Variants in RBM20 observed in about 807,000 individuals in gnomAD.
RBM20 encodes the protein RNA binding motif protein 20, also known as RNA-binding protein 20.
Under a neutral mutation model 110.1 loss-of-function variants are expected in RBM20, and 51 were observed. That is an observed-to-expected ratio of 0.46 (90% CI 0.37 to 0.59). The LOEUF is 0.59. Ranked by LOEUF, RBM20 falls within the 20% of genes least tolerant of loss-of-function variation. The pLI is 0.00. For synonymous variants in RBM20, 589 were observed against 618.2 expected, an observed-to-expected ratio of 0.95 and a Z score of 0.70; for missense variants, 1,512 against 1,574.9, an observed-to-expected ratio of 0.96 and a Z score of 0.68.
chr10:110,792,185 ATC>A (rs1564847555), intron 5 of RBM20, among the ~76,000 whole-genome samples: 46 of 151,352 alleles, frequency 3.0e-4, no homozygotes, highest in Admixed American at 1.4e-3. Context: ...CTATCTATCT[ATC>A]TATGTATCCA....
chr10:110,810,494 G>T, intron 8 of RBM20, 32 bp downstream of exon 8: 2 of 1,479,778 alleles, frequency 1.4e-6, no homozygotes, highest in Non-Finnish European at 1.8e-6. Context: ...CTCCAGGCAG[G>T]TTCTGGGCAG....
At chr10:110,713,996 G>A (rs1419429652) in intron 1 of RBM20, among the ~76,000 whole-genome samples, 1 of 152,172 alleles carries the variant, frequency 6.6e-6, no homozygotes, top group Non-Finnish European at 1.5e-5. Flanking sequence ...CATCACCCAG[G>A]AATGTTATTA....
intron 1 of RBM20, among the ~76,000 whole-genome samples, chr10:110,670,104 A>T (rs1049144707): frequency 2.6e-5 from 4 of 151,538 alleles, no homozygotes; most frequent in African/African-American, 7.3e-5. Flanking sequence ...TGATTTTTTT[A>T]GATGGTGATT....
chr10:110,825,125 C>A (rs1401543472), intron 12 of RBM20, among the ~76,000 whole-genome samples: 3 of 151,980 alleles, frequency 2.0e-5, no homozygotes, highest in African/African-American at 7.3e-5. Context: ...GAAATACTAA[C>A]TTTAGAATAA....
intron 1 of RBM20, among the ~76,000 whole-genome samples, chr10:110,647,021 G>A (rs1861878290): frequency 6.6e-6 from 1 of 152,154 alleles, no homozygotes; most frequent in South Asian, 2.1e-4. Flanking sequence ...AAATGATGGC[G>A]ACATCAATCT....
chr10:110,742,577 G>A (rs1051181510), intron 1 of RBM20, among the ~76,000 whole-genome samples: 6 of 152,096 alleles, frequency 3.9e-5, no homozygotes, highest in African/African-American at 1.4e-4. Context: ...GTTGAACCCA[G>A]GATTTTTTTC....
chr10:110,748,975 G>T (rs2134982002), intron 1 of RBM20, among the ~76,000 whole-genome samples: 1 of 152,284 alleles, frequency 6.6e-6, no homozygotes, highest in Non-Finnish European at 1.5e-5. Flanking sequence ...TGATATTTAG[G>T]CCTTACTCTC....
chr10:110,825,586 C>G (rs1216841583), intron 12 of RBM20, among the ~76,000 whole-genome samples: 5 of 152,186 alleles, frequency 3.3e-5, no homozygotes, highest in African/African-American at 1.2e-4. Flanking sequence ...TGCAAGTTCA[C>G]TTAGTAGCAG....
At chr10:110,763,223 G>T (rs1312213880) in intron 1 of RBM20, among the ~76,000 whole-genome samples, 1 of 152,080 alleles carries the variant, frequency 6.6e-6, no homozygotes, top group Non-Finnish European at 1.5e-5. Context: ...TTTTCAGTGC[G>T]ACTATAGAAA....
chr10:110,702,746 T>C (rs1207560615), intron 1 of RBM20, among the ~76,000 whole-genome samples: 1 of 152,212 alleles, frequency 6.6e-6, no homozygotes, highest in South Asian at 2.1e-4. Context: ...AGACTGCTTA[T>C]GTTGGAATCA....
At chr10:110,775,226 C>T (rs1844245872) in intron 1 of RBM20, among the ~76,000 whole-genome samples, 1 of 152,202 alleles carries the variant, frequency 6.6e-6, no homozygotes, top group Non-Finnish European at 1.5e-5. Flanking sequence ...GTCATCAGCC[C>T]TCTCACCTCG....
At position 110,686,719 on chromosome 10, in the gene RBM20, A is replaced by C. The variant is rs574931588; in HGVS notation, c.191+42074A>C. ...AATTTGGAAATTTCTGCTTATAGGC[A>C]TTTCTATCCATCATTTATTTTTACA... is the stretch of plus-strand genomic sequence containing the variant. On this transcript the variant is annotated intron_variant, in intron 1 of 13. Coordinates refer to ENST00000369519, the MANE Select transcript of RBM20 (RefSeq NM_001134363.3). Among the ~76,000 whole-genome samples, 6 of 152,278 alleles carry C rather than the reference A, an allele frequency of 3.9e-5. No individual in the cohort carries two copies. In the South Asian group the frequency reaches 1.0e-3, roughly 26 times the overall value.
intron 13 of RBM20, 166 bp from the exon 14 acceptor site, chr10:110,835,700 CAT>C (rs965892373): frequency 1.6e-4 from 87 of 552,176 alleles, no homozygotes; most frequent in African/African-American, 1.4e-3. Context: ...AGGTACTTAG[CAT>C]AAGTTCTGTA....
chr10:110,682,783 AGG>A (rs1210586505), intron 1 of RBM20, among the ~76,000 whole-genome samples: 2 of 152,230 alleles, frequency 1.3e-5, no homozygotes, highest in African/African-American at 4.8e-5. Context: ...GAGCTACTGT[AGG>A]ATTATGCAAA....
At chr10:110,643,283 G>A (rs1861813595), upstream of RBM20, among the ~76,000 whole-genome samples, 2 of 152,190 alleles carry the variant, frequency 1.3e-5, no homozygotes, top group Non-Finnish European at 2.9e-5. Flanking sequence ...AGGTCTACTG[G>A]GCGGCCGCTT....
intron 7 of RBM20, among the ~76,000 whole-genome samples, chr10:110,801,433 A>T (rs1176340969): frequency 2.6e-5 from 4 of 152,194 alleles, no homozygotes; most frequent in African/African-American, 9.6e-5. Flanking sequence ...GTCTCAAAAA[A>T]AAAAAAAAAG....
At chr10:110,665,692 A>G (rs1862165436) in intron 1 of RBM20, among the ~76,000 whole-genome samples, 1 of 152,130 alleles carries the variant, frequency 6.6e-6, no homozygotes, top group Admixed American at 6.5e-5. Flanking sequence ...GATAACTAAG[A>G]TATTATATTT....
intron 1 of RBM20, among the ~76,000 whole-genome samples, chr10:110,675,056 G>C (rs1428142458): frequency 6.6e-6 from 1 of 151,234 alleles, no homozygotes; most frequent in East Asian, 2.0e-4. Flanking sequence ...TGCTCTAAAT[G>C]CTGACTCTAA....
intron 1 of RBM20, among the ~76,000 whole-genome samples, chr10:110,715,030 GT>G (rs1862994914): frequency 6.6e-6 from 1 of 152,110 alleles, no homozygotes; most frequent in African/African-American, 2.4e-5. Context: ...GGCAGATCAC[GT>G]GAGGTCAGGA....
Sources: allele counts gnomAD v4.1 joint callset (sites outside exome capture counted in the v4.1 genomes callset), GRCh38; gene constraint gnomAD v4.1.1; transcripts MANE v1.5; gene names NCBI Gene and HGNC (gene_info 2026-07-23, HGNC 2026-07-21).